TNS3: variants seen among roughly 807,000 people sequenced by gnomAD.
TNS3 encodes tensin-3.
A neutral mutation model predicts 140.9 loss-of-function variants in TNS3; 45 were observed. The ratio of observed to expected loss-of-function variants is 0.32; its 90% confidence interval spans 0.25 to 0.41. TNS3 has a LOEUF of 0.41. Ranked by LOEUF, TNS3 falls within the 10% of genes least tolerant of loss-of-function variation. The pLI, the probability that TNS3 is intolerant of heterozygous loss-of-function variation, is 1.00. For synonymous variants in TNS3, 815 were observed against 788.4 expected (o/e 1.03, Z -0.56); for missense variants, 1,716 against 1,906.7 (o/e 0.90, Z 1.86).
intron 4 of TNS3, among the ~76,000 whole-genome samples, chr7:47,472,373 T>C (rs1360390336): frequency 1.3e-5 from 2 of 152,210 alleles, no homozygotes; most frequent in Non-Finnish European, 2.9e-5. Context: ...AATGTTCTCA[T>C]AGCACGTCGT....
rs753675008 is a variant in TNS3 at position 47,368,820 on chromosome 7, G to C, written c.1826C>G (p.Ala609Gly). ...TGCAGGGCAGCGGCTCACCAGCCGGGCCTCCCCATCTGGGGCGAAGCTATA... is the reference window on the plus strand; with the variant it reads ...TGCAGGGCAGCGGCTCACCAGCCGGCCCTCCCCATCTGGGGCGAAGCTATA... Reference protein sequence around the residue: ...HQYSFAPDGEARLVSRCPADN... With the variant: ...HQYSFAPDGEGRLVSRCPADN... Residue 609 changes from alanine (A) to glycine (G), a missense_variant, in exon 17 of 31, where the codon GCC becomes GGC. Around this residue, in one of 3 missense-constraint regions of TNS3, gnomAD observed 1,163 missense variants for 1,182.1 expected, o/e 0.98. Transcript: ENST00000311160. The C allele has an allele frequency of 5.8e-5, 94 of 1,612,084 alleles. No individual in the cohort carries two copies. The highest frequency in any genetic ancestry group is 3.3e-4 in the Middle Eastern group (2 of 6,074).
chr7:47,284,647 C>T (rs1034834859), intron 27 of TNS3, among the ~76,000 whole-genome samples: 3 of 152,228 alleles, frequency 2.0e-5, no homozygotes, highest in African/African-American at 7.2e-5. Flanking sequence ...TAAACCAGGG[C>T]CTCTCCTGCC....
chr7:47,451,971 G>A (rs1205245601), intron 4 of TNS3, among the ~76,000 whole-genome samples: 1 of 152,108 alleles, frequency 6.6e-6, no homozygotes, highest in East Asian at 1.9e-4. Flanking sequence ...TCTGATCTTG[G>A]GAATTTACTT....
At chr7:47,491,850 G>A (rs186842277) in intron 3 of TNS3, among the ~76,000 whole-genome samples, 6 of 152,282 alleles carry the variant, frequency 3.9e-5, no homozygotes, top group African/African-American at 9.6e-5. Flanking sequence ...AGATGGCCCC[G>A]GGTGTATGTT....
At chr7:47,396,690 A>T in intron 16 of TNS3, 110 bp downstream of exon 16, 1 of 862,062 alleles carries the variant, frequency 1.2e-6, no homozygotes, top group Non-Finnish European at 1.9e-6. Context: ...CTGAGAAAAC[A>T]GGGGAAATTT....
At chr7:47,528,755 T>G (rs1211431541) in intron 2 of TNS3, among the ~76,000 whole-genome samples, 1 of 152,196 alleles carries the variant, frequency 6.6e-6, no homozygotes, top group Non-Finnish European at 1.5e-5. Context: ...TTACTGACAC[T>G]TCAGAGCAGA....
At chr7:47,389,496 C>A (rs1792383458) in intron 16 of TNS3, among the ~76,000 whole-genome samples, 1 of 152,212 alleles carries the variant, frequency 6.6e-6, no homozygotes, top group South Asian at 2.1e-4. Flanking sequence ...GGACAACATA[C>A]AACTTGAGCC....
intron 16 of TNS3, among the ~76,000 whole-genome samples, chr7:47,393,543 C>G (rs888721797): frequency 1.3e-5 from 2 of 152,116 alleles, no homozygotes; most frequent in Non-Finnish European, 2.9e-5. Flanking sequence ...GTCCTGAGCT[C>G]GCTCTGAGTC....
intron 27 of TNS3, among the ~76,000 whole-genome samples, chr7:47,289,899 A>G (rs2150593986): frequency 6.6e-6 from 1 of 152,360 alleles, no homozygotes; most frequent in East Asian, 1.9e-4. Context: ...GTGATTCTAC[A>G]GTTAATACAG....
intron 4 of TNS3, among the ~76,000 whole-genome samples, chr7:47,468,562 G>A (rs777022135): frequency 7.9e-5 from 12 of 152,212 alleles, no homozygotes; most frequent in Non-Finnish European, 1.0e-4. Flanking sequence ...TTTAAAATGC[G>A]TGACTACTGC....
At chr7:47,453,791 G>C (rs1321441064) in intron 4 of TNS3, among the ~76,000 whole-genome samples, 1 of 152,142 alleles carries the variant, frequency 6.6e-6, no homozygotes, top group South Asian at 2.1e-4. Flanking sequence ...ATAGAGTCCC[G>C]GACCTGCCCG....
At chr7:47,298,706 C>T (rs552652964) in intron 23 of TNS3, among the ~76,000 whole-genome samples, 3 of 152,374 alleles carry the variant, frequency 2.0e-5, no homozygotes, top group South Asian at 2.1e-4. Context: ...ACCTCCACGG[C>T]GCACTCCCAC....
At chr7:47,506,868 G>A (rs73095186) in intron 3 of TNS3, 39 bp downstream of exon 3, 235,777 of 1,279,558 alleles carry the variant, frequency 0.18, 22,859 homozygotes, top group East Asian at 0.3. Context: ...GGCCAAGTCA[G>A]CTATAAAAAG....
intron 1 of TNS3, among the ~76,000 whole-genome samples, chr7:47,573,569 C>T (rs1584868493): frequency 6.6e-6 from 1 of 152,220 alleles, no homozygotes; most frequent in Non-Finnish European, 1.5e-5. Flanking sequence ...CCTCTGCCCA[C>T]GCTGCCCCTC....
intron 20 of TNS3, among the ~76,000 whole-genome samples, chr7:47,329,789 C>T (rs1788234460): frequency 6.6e-6 from 1 of 152,108 alleles, no homozygotes; most frequent in African/African-American, 2.4e-5. Flanking sequence ...GGAAGGGTGA[C>T]TGTGACCAGG....
intron 1 of TNS3, among the ~76,000 whole-genome samples, chr7:47,576,624 G>A (rs1402951714): frequency 2.0e-5 from 3 of 152,184 alleles, no homozygotes; most frequent in South Asian, 2.1e-4. Context: ...GAGCCAGCCC[G>A]GCGCTCCAGG....
intron 4 of TNS3, among the ~76,000 whole-genome samples, chr7:47,447,064 G>GCCCCATGGGC (rs147746443): frequency 8.9e-5 from 7 of 78,346 alleles, no homozygotes; most frequent in Non-Finnish European, 1.4e-4. Context: ...GGCCCCATGG[G>GCCCCATGGGC]CTCAATGAGG....
chr7:47,539,073 A>C (rs1562843019), intron 1 of TNS3: 1 of 456,580 alleles, frequency 2.2e-6, no homozygotes, highest in East Asian at 6.9e-5. Context: ...CACCGCCCTT[A>C]CCATGGTGCC....
At chr7:47,334,212 C>T (rs1012729411) in intron 20 of TNS3, among the ~76,000 whole-genome samples, 1 of 152,196 alleles carries the variant, frequency 6.6e-6, no homozygotes, top group Non-Finnish European at 1.5e-5. Flanking sequence ...ATCCTCCCAG[C>T]CCTTCACAAA....
Sources: allele counts gnomAD v4.1 joint callset (sites outside exome capture counted in the v4.1 genomes callset), GRCh38; gene constraint gnomAD v4.1.1; regional missense constraint gnomAD v4.1.1; transcripts MANE v1.5; gene names NCBI Gene and HGNC (gene_info 2026-07-23, HGNC 2026-07-21).